Variants in C20orf204 observed in about 807,000 individuals in gnomAD.
C20orf204 encodes the protein chromosome 20 open reading frame 204.
C20orf204 carries 6 observed loss-of-function variants against 3.6 expected under a neutral mutation model. The observed-to-expected ratio is 1.68, with a 90% confidence interval of 0.92 to 3.31. C20orf204 has a LOEUF of 3.31. C20orf204 is among the 30% of genes most tolerant of loss of function. C20orf204 has a pLI of 0.00. For synonymous variants in C20orf204, 80 were observed against 41.4 expected (o/e 1.93, Z -3.58); for missense variants, 167 against 89.7 (o/e 1.86, Z -3.48).
At chr20:64,034,074 A>G (rs772570459), upstream of C20orf204, among the ~76,000 whole-genome samples, 2 of 152,134 alleles carry the variant, frequency 1.3e-5, no homozygotes, top group Non-Finnish European at 2.9e-5. Context: ...GCTGGCCCAG[A>G]GGGTGTGGGT....
At chr20:64,036,650 TC>T (rs1293964970) in intron 1 of C20orf204, 5 of 152,294 alleles carry the variant, frequency 3.3e-5, no homozygotes, top group Non-Finnish European at 7.3e-5. Flanking sequence ...GTGCTGGACA[TC>T]CTTGCAGCTC....
At chr20:64,035,645 T>C (rs1270079021), upstream of C20orf204, 1 of 151,982 alleles carries the variant, frequency 6.6e-6, no homozygotes, top group Non-Finnish European at 1.5e-5. Flanking sequence ...GGCAGCAGAG[T>C]AACAGCCTCA....
At position 64,038,346 on chromosome 20, in the gene C20orf204, G is replaced by A. The variant is rs1446199432; in HGVS notation, c.330G>A (p.Gly110=). The change falls in exon 3 of 4, where the codon GGG becomes GGA. Residue 110 remains glycine, a synonymous_variant. Coordinates refer to ENST00000636176, the MANE Select transcript of C20orf204 (RefSeq NM_001387010.1). The part of the protein sequence containing the change: ...SISSLGRTLR[G]AVAGGRRGAL... ...CGTCCCTGGGTCGGACCCTGCGCGG[G>A]GCGGTGGCCGGGGGCCGCCGCGGGG... The A allele has an allele frequency of 1.3e-6, 1 of 764,182 alleles. No homozygotes were observed. The highest frequency in any genetic ancestry group is 1.7e-5 in the African/African-American group (1 of 58,114). The allele number at this position is 764,182 out of a possible 1,614,324, so 47.3% of individuals were successfully genotyped here.
chr20:64,036,213 G>C lies in C20orf204; in HGVS notation c.-111G>C, dbSNP rs935607547. The stretch of plus-strand genomic sequence containing the variant: ...CTCCAGGCAGCCTGTCCAGGGAAGC[G>C]GTTGGCTGGTGTTGGACCTGGTGCG... On this transcript the variant is annotated 5_prime_UTR_variant, in exon 1 of 4. Transcript: ENST00000636176. The C allele has an allele frequency of 1.3e-5, 2 of 152,610 alleles. No homozygotes were observed. The highest frequency in any genetic ancestry group is 4.8e-5 in the African/African-American group (2 of 41,432). The allele number at this position is 152,610 out of a possible 1,614,324, so 9.5% of individuals were successfully genotyped here.
upstream of C20orf204, among the ~76,000 whole-genome samples, chr20:64,033,986 A>T (rs1456208971): frequency 6.6e-6 from 1 of 152,132 alleles, no homozygotes; most frequent in Non-Finnish European, 1.5e-5. Flanking sequence ...CAGGCCTGGG[A>T]TCATGTGTGT....
chr20:64,034,109 G>A (rs541016248), upstream of C20orf204, among the ~76,000 whole-genome samples: 18 of 152,356 alleles, frequency 1.2e-4, no homozygotes, highest in African/African-American at 3.6e-4. Context: ...GCCAGCGGGC[G>A]GGGAGGAGGG....
At chr20:64,037,905 C>A in intron 1 of C20orf204, 22 bp from the exon 2 acceptor site, 1 of 427,768 alleles carries the variant, frequency 2.3e-6, no homozygotes, top group Non-Finnish European at 4.1e-6. Flanking sequence ...CAGGCCTAAC[C>A]CCAACCTGCT....
chr20:64,037,718 A>C, intron 1 of C20orf204: 1 of 397,628 alleles, frequency 2.5e-6, no homozygotes, highest in Admixed American at 4.4e-5. Context: ...TCTGGTTTGC[A>C]GACCTATCTC....
chr20:64,038,082 G>A lies in C20orf204; in HGVS notation c.159G>A (p.Gly53=). ...TGCAGGCCGCCGTGAAGTGGGGCGG[G>A]GCGGGGGCCGAAAAGACCAGGCCAG... The part of the protein sequence containing the change: ...EDLQAAVKWG[G]AGAEKTRPGS... The change falls in exon 2 of 4, where the codon GGG becomes GGA. Residue 53 remains glycine, a synonymous_variant. Coordinates refer to ENST00000636176, the MANE Select transcript of C20orf204 (RefSeq NM_001387010.1). 5.9e-6 allele frequency: 3 copies of A among 504,532 alleles called. No individual in the cohort carries two copies. Among genetic ancestry groups the A allele is most frequent in the East Asian group, 7.0e-5 (2 of 28,468 alleles). The allele number at this position is 504,532 out of a possible 1,614,324, so 31.3% of individuals were successfully genotyped here.
chr20:64,038,322 G>C lies in C20orf204; in HGVS notation c.306G>C (p.Ser102=), dbSNP rs2059346204. The change falls in exon 3 of 4, where the codon TCG becomes TCC. Residue 102 remains serine (S), a synonymous_variant. Transcript: ENST00000636176. The stretch of plus-strand genomic sequence containing the variant: ...AGCACAGTATCCTCCTGTCCATCTC[G>C]TCCCTGGGTCGGACCCTGCGCGGGG... ...QKEHSILLSI[S]SLGRTLRGAV... 1.3e-6 allele frequency: 1 copy of C among 759,682 alleles called. No homozygotes were observed. The highest frequency in any genetic ancestry group is 1.7e-5 in the African/African-American group (1 of 57,430). 47.1% of individuals were successfully genotyped at this position (759,682 alleles called of 1,614,324 possible).
In C20orf204 at chr20:64,038,733, C is replaced by T; in HGVS notation, c.544C>T (p.Arg182Cys). Reference protein sequence around the residue: ...ATCWEKLFALRAPASRDS With the variant: ...ATCWEKLFALCAPASRDS Reference sequence around the variant, plus strand: ...CTGCTGGGAGAAGCTCTTCGCGCTGCGCGCCCCGGCCTCCAGGGACTCCTA... The same window carrying T: ...CTGCTGGGAGAAGCTCTTCGCGCTGTGCGCCCCGGCCTCCAGGGACTCCTA... Residue 182 changes from arginine to cysteine, a missense_variant, in exon 4 of 4, where the codon CGC (arginine) becomes TGC (cysteine). Coordinates refer to ENST00000636176, the MANE Select transcript of C20orf204 (RefSeq NM_001387010.1). The T allele has an allele frequency of 1.5e-6, 1 of 689,536 alleles. No individual in the cohort carries two copies. The allele number at this position is 689,536 out of a possible 1,614,324, so 42.7% of individuals were successfully genotyped here.
chr20:64,038,097 G>C lies in C20orf204; in HGVS notation c.174G>C (p.Lys58Asn). 2.0e-6 allele frequency: 1 copy of C among 498,554 alleles called. No homozygotes were observed. The highest frequency in any genetic ancestry group is 2.9e-5 in the South Asian group (1 of 33,948). The allele number at this position is 498,554 out of a possible 1,614,324, so 30.9% of individuals were successfully genotyped here. ...AVKWGGAGAE[K>N]TRPGSRHFHF... The stretch of plus-strand genomic sequence containing the variant: ...AGTGGGGCGGGGCGGGGGCCGAAAA[G>C]ACCAGGCCAGGCTCCAGACACTTTC... The change falls in exon 2 of 4, where the codon AAG becomes AAC. Residue 58 changes from lysine to asparagine, a missense_variant. Lys to Asn is a moderately conservative substitution (Grantham distance 94, BLOSUM62 0). Coordinates refer to ENST00000636176, the MANE Select transcript of C20orf204 (RefSeq NM_001387010.1).
In C20orf204 at chr20:64,038,982, C is replaced by A. The variant is rs2059350408; in HGVS notation, c.*223C>A. ...GCGCCGAAGGCCTCAATAAACGGAG[C>A]TGGCGCTGCGGGTCCGGCACTCCCT... On this transcript the variant is annotated 3_prime_UTR_variant, in exon 4 of 4. Transcript: ENST00000636176. 1.4e-6 allele frequency: 1 copy of A among 708,908 alleles called. No individual in the cohort carries two copies. Among genetic ancestry groups the A allele is most frequent in the Non-Finnish European group, 2.6e-6 (1 of 384,930 alleles). 43.9% of individuals were successfully genotyped at this position (708,908 alleles called of 1,614,324 possible).
Position 64,038,920 on chromosome 20 carries a change from G to A in C20orf204, c.*161G>A. 1.4e-6 allele frequency: 1 copy of A among 726,792 alleles called. No individual in the cohort carries two copies. The highest frequency in any genetic ancestry group is 1.8e-5 in the African/African-American group (1 of 55,888). 45.0% of individuals were successfully genotyped at this position (726,792 alleles called of 1,614,324 possible). A position where few individuals can be genotyped will look rare whatever the true frequency, so the allele number is the denominator to read the frequency against. Reference sequence around the variant, plus strand: ...AGGACTTGGAGAAGGGAGCGCGCCTGGCCGCCGCTGGGTCACGGAGGAGGC... The same window carrying A: ...AGGACTTGGAGAAGGGAGCGCGCCTAGCCGCCGCTGGGTCACGGAGGAGGC... On this transcript the variant is annotated 3_prime_UTR_variant, in exon 4 of 4. Transcript: ENST00000636176.
In C20orf204 at chr20:64,038,098, AC is replaced by A; in HGVS notation, c.177del (p.Arg60GlyfsTer14). 1 of 498,430 alleles carries A rather than the reference AC, an allele frequency of 2.0e-6. No homozygotes were observed. Among genetic ancestry groups the A allele is most frequent in the South Asian group, 2.9e-5 (1 of 33,946 alleles). 30.9% of individuals were successfully genotyped at this position (498,430 alleles called of 1,614,324 possible). A position where few individuals can be genotyped will look rare whatever the true frequency, so the allele number is the denominator to read the frequency against. ...VKWGGAGAEK[T>X]RPGSRHFHFI... ...GTGGGGCGGGGCGGGGGCCGAAAAG[AC>A]CAGGCCAGGCTCCAGACACTTTCAT... On this transcript the variant is annotated frameshift_variant, in exon 2 of 4. Coordinates refer to ENST00000636176, the MANE Select transcript of C20orf204 (RefSeq NM_001387010.1). LOFTEE classifies it high-confidence loss of function.
rs1299595631 is a variant in C20orf204, at chr20:64,036,195, CA to C, written c.-128del. On this transcript the variant is annotated 5_prime_UTR_variant, in exon 1 of 4. Coordinates refer to ENST00000636176, the MANE Select transcript of C20orf204 (RefSeq NM_001387010.1). ...GCCTGCCCCTCTGCAGTCCTCCAGGCAGCCTGTCCAGGGAAGCGGTTGGCTG... is the reference window on the plus strand; with the variant it reads ...GCCTGCCCCTCTGCAGTCCTCCAGGCGCCTGTCCAGGGAAGCGGTTGGCTG... 2 of 152,626 alleles carry C rather than the reference CA, an allele frequency of 1.3e-5. No homozygotes were observed. The highest frequency in any genetic ancestry group is 4.8e-5 in the African/African-American group (2 of 41,440). The allele number at this position is 152,626 out of a possible 1,614,324, so 9.5% of individuals were successfully genotyped here.
In C20orf204 at chr20:64,038,867, G is replaced by A. The variant is rs752652957; in HGVS notation, c.*108G>A. ...TGTTGGTGACCTCGGCCCCTCGCTCGACGCAGCCCGCGCTCCCCGGAGGGC... is the reference window on the plus strand; with the variant it reads ...TGTTGGTGACCTCGGCCCCTCGCTCAACGCAGCCCGCGCTCCCCGGAGGGC... On this transcript the variant is annotated 3_prime_UTR_variant, in exon 4 of 4. Coordinates refer to ENST00000636176, the MANE Select transcript of C20orf204 (RefSeq NM_001387010.1). 1 of 729,658 alleles carries A rather than the reference G, an allele frequency of 1.4e-6. No homozygotes were observed. Among genetic ancestry groups the A allele is most frequent in the Non-Finnish European group, 2.5e-6 (1 of 393,596 alleles). The allele number at this position is 729,658 out of a possible 1,614,324, so 45.2% of individuals were successfully genotyped here. A position where few individuals can be genotyped will look rare whatever the true frequency, so the allele number is the denominator to read the frequency against.
intron 1 of C20orf204, chr20:64,036,778 T>TG (rs200962336): frequency 4.0e-4 from 61 of 152,420 alleles, no homozygotes; most frequent in Middle Eastern, 3.4e-3. Context: ...CGTGTGTGGT[T>TG]GGGGGGGTCA....
At position 64,038,956 on chromosome 20, in the gene C20orf204, C is replaced by G. The variant is rs1569230001; in HGVS notation, c.*197C>G. 4 of 721,776 alleles carry G rather than the reference C, an allele frequency of 5.5e-6. No homozygotes were observed. The highest frequency in any genetic ancestry group is 1.0e-5 in the Non-Finnish European group (4 of 391,532). The allele number at this position is 721,776 out of a possible 1,614,324, so 44.7% of individuals were successfully genotyped here. On this transcript the variant is annotated 3_prime_UTR_variant, in exon 4 of 4. Transcript: ENST00000636176. ...GGTCACGGAGGAGGCCCGCCCTCCA[C>G]GCGCCGAAGGCCTCAATAAACGGAG...
Sources: gnomAD v4.1 joint callset for allele counts (sites outside exome capture counted in the v4.1 genomes callset) on GRCh38, gnomAD v4.1.1 for gene constraint, MANE v1.5 for transcripts, NCBI Gene and HGNC (gene_info 2026-07-23, HGNC 2026-07-21) for gene names.